Variants in GRID1 observed in about 807,000 individuals in gnomAD.
The protein encoded by GRID1 is glutamate receptor ionotropic, delta-1.
A neutral mutation model predicts 98.0 loss-of-function variants in GRID1; 28 were observed. That is an observed-to-expected ratio of 0.29 (90% CI 0.21 to 0.39). The LOEUF is 0.39. GRID1 is among the 10% of genes least tolerant of loss of function. The probability of loss-of-function intolerance (pLI) is 1.00; values close to 1 mark genes in which losing one functional copy is unlikely to be tolerated. For missense variants in GRID1, 1,111 were observed against 1,340.5 expected, an observed-to-expected ratio of 0.83 and a Z score of 2.67; for synonymous variants, 553 against 538.5, an observed-to-expected ratio of 1.03 and a Z score of -0.37.
At chr10:85,952,922 G>C (rs915968194) in intron 4 of GRID1, among the ~76,000 whole-genome samples, 1 of 152,022 alleles carries the variant, frequency 6.6e-6, no homozygotes, top group Admixed American at 6.5e-5. Flanking sequence ...GACAACAAGG[G>C]TAAAAACATT....
intron 8 of GRID1, among the ~76,000 whole-genome samples, chr10:85,825,318 G>A (rs1412846061): frequency 6.6e-6 from 1 of 151,566 alleles, no homozygotes; most frequent in Admixed American, 6.6e-5. Context: ...ATGTTTGTTG[G>A]CCATTTGTGT....
chr10:85,704,507 C>T (rs1486087382), intron 12 of GRID1, among the ~76,000 whole-genome samples: 1 of 152,166 alleles, frequency 6.6e-6, no homozygotes, highest in African/African-American at 2.4e-5. Flanking sequence ...TAGACTCCCA[C>T]ACAATAATAA....
At position 85,960,966 on chromosome 10, in the gene GRID1, G is replaced by C. The variant is rs79695983; in HGVS notation, c.727-44727C>G. ...GGCCTTCACCCTGAGGACTCACAGA[G>C]AGAGGCTCGGTGGTAGAGTCGCACG... On this transcript the variant is annotated intron_variant, in intron 4 of 15. Transcript: ENST00000327946. Among the ~76,000 whole-genome samples the C allele has an allele frequency of 5.6e-3, 854 of 152,148 alleles. 12 individuals carry two copies. The highest frequency in any genetic ancestry group is 0.02 in the African/African-American group (819 of 41,508).
chr10:85,846,709 G>A (rs1208374502), intron 8 of GRID1, among the ~76,000 whole-genome samples: 1 of 151,994 alleles, frequency 6.6e-6, no homozygotes, highest in African/African-American at 2.4e-5. Context: ...GGAATGAAGA[G>A]GGAGATATGT....
intron 3 of GRID1, among the ~76,000 whole-genome samples, chr10:86,189,402 C>G (rs1208366021): frequency 6.6e-6 from 1 of 151,994 alleles, no homozygotes; most frequent in African/African-American, 2.4e-5. Context: ...GCTACCACCC[C>G]CAGTAAGCCC....
At chr10:86,175,164 A>G (rs1363396669) in intron 3 of GRID1, among the ~76,000 whole-genome samples, 1 of 152,146 alleles carries the variant, frequency 6.6e-6, no homozygotes, top group East Asian at 1.9e-4. Context: ...TGGCAGGGGA[A>G]GTATATGTGT....
intron 7 of GRID1, 114 bp downstream of exon 7, chr10:85,855,915 T>C (rs1453157357): frequency 3.5e-6 from 3 of 867,718 alleles, no homozygotes; most frequent in Non-Finnish European, 5.6e-6. Flanking sequence ...GGGAGGGGCC[T>C]ACTGGGGCAG....
chr10:86,008,500 T>C (rs1412431359), intron 4 of GRID1, among the ~76,000 whole-genome samples: 1 of 152,178 alleles, frequency 6.6e-6, no homozygotes, highest in Non-Finnish European at 1.5e-5. Context: ...TTGTAACACT[T>C]ATAATTGACC....
intron 4 of GRID1, among the ~76,000 whole-genome samples, chr10:85,924,092 C>A (rs1309827287): frequency 6.6e-6 from 1 of 152,130 alleles, no homozygotes; most frequent in Non-Finnish European, 1.5e-5. Flanking sequence ...CAGTGAACTT[C>A]AAAATGTGCC....
In GRID1 at chr10:85,620,020, T is replaced by C; in HGVS notation, c.2207A>G (p.Asn736Ser). 1.9e-6 allele frequency: 3 copies of C among 1,613,786 alleles called. No individual in the cohort carries two copies. The highest frequency in any genetic ancestry group is 2.5e-6 in the Non-Finnish European group (3 of 1,179,714). The change falls in exon 14 of 16, where the codon AAC (asparagine) becomes AGC (serine). Residue 736 changes from asparagine to serine, a missense_variant. This residue lies in a region of GRID1 where 762 missense variants were observed against 869.1 expected (regional missense o/e 0.88). Coordinates refer to ENST00000327946, the MANE Select transcript of GRID1 (RefSeq NM_017551.3). ...GGCCACATCCCACAGGAAGGCGTAGTTCCCCTTCTTTGCCTGAAAGATCAA... is the reference window on the plus strand; with the variant it reads ...GGCCACATCCCACAGGAAGGCGTAGCTCCCCTTCTTTGCCTGAAAGATCAA... The part of the protein sequence containing the change: ...SEGIRKAKKG[N>S]YAFLWDVAVV...
At chr10:85,717,646 G>C (rs1413790444) in intron 12 of GRID1, among the ~76,000 whole-genome samples, 1 of 152,140 alleles carries the variant, frequency 6.6e-6, no homozygotes, top group Admixed American at 6.5e-5. Flanking sequence ...CAAATGTCAT[G>C]TCCTCACATT....
chr10:85,723,971 A>G (rs761665277), intron 11 of GRID1, among the ~76,000 whole-genome samples: 7 of 152,224 alleles, frequency 4.6e-5, no homozygotes, highest in Non-Finnish European at 7.3e-5. Context: ...TACTGCTTAA[A>G]TGATTGCAAT....
intron 5 of GRID1, among the ~76,000 whole-genome samples, chr10:85,883,335 G>A (rs1387709229): frequency 6.6e-6 from 1 of 151,830 alleles, no homozygotes; most frequent in Non-Finnish European, 1.5e-5. Flanking sequence ...ATCTATTTTT[G>A]AAACATATTT....
At chr10:85,733,937 G>C (rs969923472) in intron 8 of GRID1, among the ~76,000 whole-genome samples, 6 of 152,140 alleles carry the variant, frequency 3.9e-5, no homozygotes, top group Admixed American at 2.0e-4. Context: ...ATTTTAACAG[G>C]ATTTTCACTA....
intron 3 of GRID1, among the ~76,000 whole-genome samples, chr10:86,197,009 T>C (rs12569816): frequency 0.31 from 47,533 of 151,910 alleles, 8,546 homozygotes; most frequent in Non-Finnish European, 0.41. Context: ...TTAGGTGCTG[T>C]TCTAAATGCT....
chr10:85,835,516 A>G (rs1283195702), intron 8 of GRID1, among the ~76,000 whole-genome samples: 3 of 152,198 alleles, frequency 2.0e-5, no homozygotes, highest in African/African-American at 7.2e-5. Context: ...CCGCCAGGTA[A>G]GACGTGATAT....
At chr10:85,730,518 T>C (rs1841810518) in intron 8 of GRID1, among the ~76,000 whole-genome samples, 1 of 152,224 alleles carries the variant, frequency 6.6e-6, no homozygotes, top group Non-Finnish European at 1.5e-5. Context: ...TGAGTGCTCC[T>C]GATACTGCAG....
intron 3 of GRID1, among the ~76,000 whole-genome samples, chr10:86,142,790 G>A (rs1188620629): frequency 6.6e-6 from 1 of 152,230 alleles, no homozygotes; most frequent in Non-Finnish European, 1.5e-5. Flanking sequence ...TGCCAGCATG[G>A]CCAGTCCTCT....
In GRID1 at chr10:86,263,205, C is replaced by T. The variant is rs374420628; in HGVS notation, c.236-56557G>A. On this transcript the variant is annotated intron_variant, in intron 2 of 15. Coordinates refer to ENST00000327946, the MANE Select transcript of GRID1 (RefSeq NM_017551.3). ...AACGGTTATTTATCCATTAATCTGA[C>T]ATTACACCCCCTGCATTTTATCTGC... Among the ~76,000 whole-genome samples, 22 of 152,368 alleles carry T rather than the reference C, an allele frequency of 1.4e-4. No individual in the cohort carries two copies. In the East Asian group the frequency reaches 1.7e-3, roughly 12 times the overall value.
Sources: allele counts gnomAD v4.1 joint callset (sites outside exome capture counted in the v4.1 genomes callset), GRCh38; gene constraint gnomAD v4.1.1; regional missense constraint gnomAD v4.1.1; transcripts MANE v1.5; gene names NCBI Gene and HGNC (gene_info 2026-07-23, HGNC 2026-07-21).